ZNF892: variants seen among roughly 807,000 people sequenced by gnomAD.
ZNF892 encodes the protein zinc finger protein 892.
chr2:95,208,714 T>C, the ZNF892 span: 5 of 398,566 alleles, frequency 1.3e-5, no homozygotes, highest in East Asian at 1.8e-4. Context: ...GTGACTGCTG[T>C]GCTGCTGACC....
chr2:95,252,579 A>G, the ZNF892 span, among the ~76,000 whole-genome samples: 1 of 152,192 alleles, frequency 6.6e-6, no homozygotes, highest in Admixed American at 6.5e-5. Flanking sequence ...AGCATGATTT[A>G]TAATGCTTTG....
At chr2:95,235,589 C>A in the ZNF892 span, among the ~76,000 whole-genome samples, 1 of 152,128 alleles carries the variant, frequency 6.6e-6, no homozygotes, top group Admixed American at 6.6e-5. Context: ...TCTTGATCTC[C>A]TGACCTTGTG....
At chr2:95,209,966 C>A in the ZNF892 span, among the ~76,000 whole-genome samples, 9 of 152,002 alleles carry the variant, frequency 5.9e-5, no homozygotes, top group Admixed American at 5.9e-4. Flanking sequence ...GTAGGTAGTT[C>A]TTTTAACTTT....
the ZNF892 span, among the ~76,000 whole-genome samples, chr2:95,233,923 G>A: frequency 6.6e-6 from 1 of 151,758 alleles, no homozygotes; most frequent in East Asian, 1.9e-4. Flanking sequence ...CAAGTGATCT[G>A]CCTGCCTTGG....
chr2:95,218,700 A>C, the ZNF892 span, among the ~76,000 whole-genome samples: 1 of 152,214 alleles, frequency 6.6e-6, no homozygotes, highest in Non-Finnish European at 1.5e-5. Context: ...CTCAAACAAC[A>C]GAAATTTATT....
chr2:95,251,410 C>T, the ZNF892 span, among the ~76,000 whole-genome samples: 1 of 152,186 alleles, frequency 6.6e-6, no homozygotes, highest in African/African-American at 2.4e-5. Context: ...TTCCAAGGTA[C>T]ACCTACTTTA....
chr2:95,213,536 A>G, the ZNF892 span, among the ~76,000 whole-genome samples: 3 of 152,136 alleles, frequency 2.0e-5, no homozygotes, highest in Non-Finnish European at 4.4e-5. Flanking sequence ...ATCTGAACAC[A>G]TGGAGTTTTG....
the ZNF892 span, among the ~76,000 whole-genome samples, chr2:95,219,996 A>G: frequency 0.024 from 3,678 of 152,314 alleles, 63 homozygotes; most frequent in East Asian, 0.053. Context: ...GGGAATTGGT[A>G]TAAGTCCTGA....
the ZNF892 span, among the ~76,000 whole-genome samples, chr2:95,224,919 T>C: frequency 1.3e-5 from 2 of 152,216 alleles, no homozygotes; most frequent in African/African-American, 4.8e-5. Context: ...TGCTCCTCTA[T>C]TGCCCTCTCT....
At chr2:95,216,929 T>C in the ZNF892 span, among the ~76,000 whole-genome samples, 2 of 152,218 alleles carry the variant, frequency 1.3e-5, no homozygotes, top group Non-Finnish European at 2.9e-5. Context: ...GTTCATTTTT[T>C]CTTGAGGATT....
chr2:95,210,219 GTATATATATGTGTATATATGTA>G, the ZNF892 span, among the ~76,000 whole-genome samples: 10 of 146,318 alleles, frequency 6.8e-5, no homozygotes, highest in South Asian at 6.4e-4. Flanking sequence ...GTGTATATAT[GTATATATATGTGTATATATGTA>G]TATATATATG....
chr2:95,222,136 G>A, the ZNF892 span, among the ~76,000 whole-genome samples: 1 of 151,934 alleles, frequency 6.6e-6, no homozygotes, highest in East Asian at 1.9e-4. Flanking sequence ...TCCCCACCCC[G>A]CATTGAGTAT....
chr2:95,224,415 A>T, the ZNF892 span, among the ~76,000 whole-genome samples: 1 of 152,196 alleles, frequency 6.6e-6, no homozygotes, highest in African/African-American at 2.4e-5. Flanking sequence ...AAGAGGTTTA[A>T]TTGGCTCACG....
chr2:95,242,099 C>T, the ZNF892 span, among the ~76,000 whole-genome samples: 1 of 152,158 alleles, frequency 6.6e-6, no homozygotes, highest in African/African-American at 2.4e-5. Context: ...AGGAGAACTT[C>T]CCCAACCTAG....
At chr2:95,246,057 C>G in the ZNF892 span, among the ~76,000 whole-genome samples, 1 of 152,070 alleles carries the variant, frequency 6.6e-6, no homozygotes, top group African/African-American at 2.4e-5. Flanking sequence ...GGCAGAGATA[C>G]AACAAAAAAA....
the ZNF892 span, among the ~76,000 whole-genome samples, chr2:95,214,152 T>C: frequency 6.6e-6 from 1 of 152,232 alleles, no homozygotes; most frequent in South Asian, 2.1e-4. Flanking sequence ...TGTCCAGTCA[T>C]CTTTTTTTTC....
chr2:95,252,129 C>T, the ZNF892 span, among the ~76,000 whole-genome samples: 1 of 152,070 alleles, frequency 6.6e-6, no homozygotes, highest in South Asian at 2.1e-4. Context: ...TACATGTGCA[C>T]AATGTGCAGG....
chr2:95,257,803 A>G, the ZNF892 span, among the ~76,000 whole-genome samples: 1 of 151,952 alleles, frequency 6.6e-6, no homozygotes, highest in Non-Finnish European at 1.5e-5. Flanking sequence ...ACCACCTTGC[A>G]GTTTTATCTC....
the ZNF892 span, among the ~76,000 whole-genome samples, chr2:95,230,168 T>A: frequency 6.6e-6 from 1 of 152,190 alleles, no homozygotes; most frequent in Non-Finnish European, 1.5e-5. Flanking sequence ...AGCTAAGCGA[T>A]GAGGATGCAA....
Sources: gnomAD v4.1 joint callset for allele counts (sites outside exome capture counted in the v4.1 genomes callset) on GRCh38, gnomAD v4.1.1 for gene constraint, MANE v1.5 for transcripts, NCBI Gene and HGNC (gene_info 2026-07-23, HGNC 2026-07-21) for gene names.